GALNT8: variants seen among roughly 807,000 people sequenced by gnomAD.
GALNT8 encodes polypeptide N-acetylgalactosaminyltransferase 8.
In GALNT8, 66 loss-of-function variants were observed where a neutral mutation model predicts 62.7. The ratio of observed to expected loss-of-function variants is 1.05; its 90% CI spans 0.86 to 1.29. GALNT8 has a LOEUF of 1.29. Ranked by LOEUF, GALNT8 falls within the 50% of genes most tolerant of loss-of-function variation. GALNT8 has a pLI of 0.00. For missense variants in GALNT8, 771 were observed against 791.8 expected (o/e 0.97, Z 0.32); for synonymous variants, 288 against 294.3 (o/e 0.98, Z 0.22).
At position 4,749,286 on chromosome 12, in the gene GALNT8, A is replaced by G. The variant is rs1399528719; in HGVS notation, c.1173+3028A>G. ...AATGGGCACCTTTGTCATGTTCCAG[A>G]TCTTAGAGGAAAGGCTTTCAGTTAT... On this transcript the variant is annotated intron_variant, in intron 6 of 10. Coordinates refer to ENST00000252318, the MANE Select transcript of GALNT8 (RefSeq NM_017417.2). The surrounding 1 kb of genome is among the most constrained non-coding windows in gnomAD (Gnocchi z 4.1). Among the ~76,000 whole-genome samples, 1 of 151,980 alleles carries G rather than the reference A, an allele frequency of 6.6e-6. No individual in the cohort carries two copies.
intron 3 of GALNT8, 84 bp downstream of exon 3, chr12:4,739,413 T>G: frequency 9.4e-7 from 1 of 1,061,078 alleles, no homozygotes; most frequent in South Asian, 1.5e-5. Flanking sequence ...GCTTAGAGTT[T>G]AGGACACCTT....
intron 6 of GALNT8, among the ~76,000 whole-genome samples, chr12:4,750,598 G>T (rs1370368940): frequency 6.6e-6 from 1 of 152,076 alleles, no homozygotes; most frequent in Non-Finnish European, 1.5e-5. Context: ...TCATTGATGG[G>T]CATTTAGGTT....
At chr12:4,735,994 G>T (rs1001174618) in intron 2 of GALNT8, among the ~76,000 whole-genome samples, 1 of 152,174 alleles carries the variant, frequency 6.6e-6, no homozygotes, top group Non-Finnish European at 1.5e-5. Context: ...TATGCTCATA[G>T]CTCCATAATA....
intron 10 of GALNT8, among the ~76,000 whole-genome samples, chr12:4,767,340 A>G (rs926329431): frequency 9.2e-5 from 14 of 152,118 alleles, no homozygotes; most frequent in Non-Finnish European, 1.2e-4. Context: ...TTTTTTCTCT[A>G]GCATCTGGCA....
chr12:4,772,643 A>G lies in GALNT8; in HGVS notation c.*46A>G. 6.8e-7 allele frequency: 1 copy of G among 1,465,154 alleles called. No individual in the cohort carries two copies. Among genetic ancestry groups the G allele is most frequent in the African/African-American group, 1.4e-5 (1 of 72,538 alleles). The allele number at this position is 1,465,154 out of a possible 1,614,324, so 90.8% of individuals were successfully genotyped here. A position where few individuals can be genotyped will look rare whatever the true frequency, so the allele number is the denominator to read the frequency against. ...TGGGTCATCAATTCTTGCAAGTGGAATGGCTTCTACTCCTAACACTCCCAG... is the reference window on the plus strand; with the variant it reads ...TGGGTCATCAATTCTTGCAAGTGGAGTGGCTTCTACTCCTAACACTCCCAG... On this transcript the variant is annotated 3_prime_UTR_variant, in exon 11 of 11. Transcript: ENST00000252318.
intron 2 of GALNT8, among the ~76,000 whole-genome samples, chr12:4,727,817 G>C (rs1223564673): frequency 6.6e-6 from 1 of 152,106 alleles, no homozygotes; most frequent in East Asian, 1.9e-4. Flanking sequence ...GAATAATACT[G>C]CTGTGAACAT....
intron 10 of GALNT8, among the ~76,000 whole-genome samples, chr12:4,767,727 G>C (rs1946405980): frequency 6.6e-6 from 1 of 152,158 alleles, no homozygotes; most frequent in Non-Finnish European, 1.5e-5. Context: ...ATGAGTTTTT[G>C]ATGGCCTTAA....
chr12:4,752,778 A>G (rs77632856), intron 6 of GALNT8, among the ~76,000 whole-genome samples: 74 of 152,290 alleles, frequency 4.9e-4, no homozygotes, highest in Non-Finnish European at 8.7e-4. Context: ...TTTTATCCCT[A>G]TAGATGATTA....
chr12:4,721,114 A>ATG lies in GALNT8; in HGVS notation c.211+236_211+237dup, dbSNP rs565343806. On this transcript the variant is annotated intron_variant, in intron 1 of 10. Transcript: ENST00000252318. ...AGCAAGCAGTATGGGGGAGGTGAGC[A>ATG]TGTGTGTGTGTATGCGTGTGTGGGC... Among the ~76,000 whole-genome samples, 10 of 151,978 alleles carry ATG rather than the reference A, an allele frequency of 6.6e-5. No homozygotes were observed. The South Asian group carries it at 1.7e-3, about 25-fold the overall frequency.
intron 3 of GALNT8, among the ~76,000 whole-genome samples, chr12:4,743,129 G>A (rs1946279429): frequency 6.6e-6 from 1 of 152,230 alleles, no homozygotes; most frequent in African/African-American, 2.4e-5. Flanking sequence ...GGGATTACAG[G>A]CATGAGCCAC....
At chr12:4,737,217 G>A (rs1946249495) in intron 2 of GALNT8, among the ~76,000 whole-genome samples, 1 of 152,184 alleles carries the variant, frequency 6.6e-6, no homozygotes, top group South Asian at 2.1e-4. Flanking sequence ...ACATGGCAGG[G>A]CAAACTGCTT....
At chr12:4,755,646 G>A (rs996528674) in intron 6 of GALNT8, among the ~76,000 whole-genome samples, 1 of 152,138 alleles carries the variant, frequency 6.6e-6, no homozygotes, top group Non-Finnish European at 1.5e-5. Context: ...GGGATGATTG[G>A]TGGAGCCTTC....
At chr12:4,764,530 A>ATTTTTTTTTTTT (rs58809573) in intron 9 of GALNT8, among the ~76,000 whole-genome samples, 1 of 102,222 alleles carries the variant, frequency 9.8e-6, no homozygotes, top group Non-Finnish European at 1.9e-5. Flanking sequence ...CAGTCAGGGG[A>ATTTTTTTTTTTT]TTTTTTTTTT....
At chr12:4,751,615 AGAAGATGCAT>A (rs1462244359) in intron 6 of GALNT8, among the ~76,000 whole-genome samples, 3 of 152,174 alleles carry the variant, frequency 2.0e-5, no homozygotes, top group African/African-American at 7.2e-5. Flanking sequence ...CTGTGGTCAG[AGAAGATGCAT>A]GCGATTATTT....
chr12:4,736,595 G>GAAAAAAAAAAAAAAAAAA (rs59029291), intron 2 of GALNT8, among the ~76,000 whole-genome samples: 1 of 108,530 alleles, frequency 9.2e-6, no homozygotes, highest in Non-Finnish European at 2.0e-5. Flanking sequence ...GAAGAGAAAA[G>GAAAAAAAAAAAAAAAAAA]AAAAAAAAAA....
intron 6 of GALNT8, among the ~76,000 whole-genome samples, chr12:4,754,973 A>C (rs1418581904): frequency 6.6e-6 from 1 of 152,194 alleles, no homozygotes; most frequent in Non-Finnish European, 1.5e-5. Flanking sequence ...TCCAAGATGC[A>C]GTCAAAGTCC....
At chr12:4,730,873 T>G (rs1946218883) in intron 2 of GALNT8, among the ~76,000 whole-genome samples, 1 of 151,186 alleles carries the variant, frequency 6.6e-6, no homozygotes, top group African/African-American at 2.4e-5. Context: ...TTTCTTTTTT[T>G]TTTTTTTTTG....
chr12:4,746,149 C>G lies in GALNT8; in HGVS notation c.1064C>G (p.Pro355Arg). 1 of 1,597,212 alleles carries G rather than the reference C, an allele frequency of 6.3e-7. No homozygotes were observed. The highest frequency in any genetic ancestry group is 1.3e-5 in the African/African-American group (1 of 74,658). The change falls in exon 6 of 11, where the codon CCT becomes CGT. Residue 355 changes from proline (P) to arginine (R), a missense_variant. Transcript: ENST00000252318. ...TCTTGCTGTGTGCTCTGTAGGAGTC[C>G]TTCAATCATGGGCATCCTGGCTGCT... is the stretch of plus-strand genomic sequence containing the variant. ...LHDVTAPVKSPSIMGILAANR... is the reference protein window; with the variant it reads ...LHDVTAPVKSRSIMGILAANR...
rs369389612 is a variant in GALNT8 at position 4,757,212 on chromosome 12, C to T, written c.1174-3746C>T. Among the ~76,000 whole-genome samples, 22 of 152,292 alleles carry T rather than the reference C, an allele frequency of 1.4e-4. 1 individual carries two copies. In the East Asian group the frequency reaches 3.1e-3, roughly 21 times the overall value. On this transcript the variant is annotated intron_variant, in intron 6 of 10. Transcript: ENST00000252318. Reference sequence around the variant, plus strand: ...AAGTTACCCAGTCTCAGGCAGTTCTCTATGGCAGTGTGAAAACAGACAAAT... The same window carrying T: ...AAGTTACCCAGTCTCAGGCAGTTCTTTATGGCAGTGTGAAAACAGACAAAT...
Sources: allele counts gnomAD v4.1 joint callset (sites outside exome capture counted in the v4.1 genomes callset), GRCh38; gene constraint gnomAD v4.1.1; non-coding constraint Gnocchi (gnomAD v3.1); transcripts MANE v1.5; gene names NCBI Gene and HGNC (gene_info 2026-07-23, HGNC 2026-07-21).